The following FLT3 variants were observed in gnomAD, a reference collection of about 807,000 sequenced individuals.
FLT3 encodes the protein receptor-type tyrosine-protein kinase FLT3.
Under a neutral mutation model 126.6 loss-of-function variants are expected in FLT3, and 46 were observed. The ratio of observed to expected loss-of-function variants is 0.36; its 90% CI spans 0.29 to 0.46. FLT3 has a LOEUF of 0.46. Ranked by LOEUF, FLT3 falls within the 20% of genes least tolerant of loss-of-function variation. FLT3 has a pLI of 1.00. For missense variants in FLT3, 1,069 were observed against 1,190.3 expected, an observed-to-expected ratio of 0.90 and a Z score of 1.50; for synonymous variants, 404 against 434.4, an observed-to-expected ratio of 0.93 and a Z score of 0.87.
chr13:28,083,670 G>A (rs1177437670), intron 1 of FLT3, among the ~76,000 whole-genome samples: 2 of 152,164 alleles, frequency 1.3e-5, no homozygotes, highest in African/African-American at 2.4e-5. Flanking sequence ...TGCTTTAGTA[G>A]AGCATTATTT....
At chr13:28,021,034 T>A (rs984907921) in intron 19 of FLT3, among the ~76,000 whole-genome samples, 10 of 152,284 alleles carry the variant, frequency 6.6e-5, no homozygotes, top group Admixed American at 4.6e-4. Flanking sequence ...TTTGAGTATT[T>A]ACTTAGCTAT....
At chr13:28,041,839 G>A (rs755263095) in intron 9 of FLT3, among the ~76,000 whole-genome samples, 3 of 152,220 alleles carry the variant, frequency 2.0e-5, no homozygotes, top group African/African-American at 4.8e-5. Flanking sequence ...AAGAAGATGC[G>A]TTCTCATTAA....
intron 1 of FLT3, among the ~76,000 whole-genome samples, chr13:28,079,777 A>G (rs1323194384): frequency 6.6e-6 from 1 of 152,122 alleles, no homozygotes; most frequent in East Asian, 1.9e-4. Context: ...CGATTCAATT[A>G]CCTCACCCTA....
At chr13:28,073,932 C>G (rs12583420) in intron 1 of FLT3, among the ~76,000 whole-genome samples, 5 of 141,244 alleles carry the variant, frequency 3.5e-5, no homozygotes, top group African/African-American at 1.3e-4. Flanking sequence ...AGAGCCAGAT[C>G]CTGCCTCTAA....
At chr13:28,020,043 C>T (rs1007244048) in intron 19 of FLT3, among the ~76,000 whole-genome samples, 2 of 152,174 alleles carry the variant, frequency 1.3e-5, no homozygotes, top group African/African-American at 2.4e-5. Context: ...TGCTAGACCA[C>T]GCTCTACTTG....
At chr13:28,058,156 C>T (rs1001545334) in intron 3 of FLT3, among the ~76,000 whole-genome samples, 1 of 142,818 alleles carries the variant, frequency 7.0e-6, no homozygotes, top group African/African-American at 2.6e-5. Flanking sequence ...CCCAGGAGGT[C>T]AAGACCAGCC....
chr13:28,020,271 C>T (rs888874087), intron 19 of FLT3, among the ~76,000 whole-genome samples: 1 of 152,156 alleles, frequency 6.6e-6, no homozygotes, highest in Admixed American at 6.5e-5. Context: ...TGTGCAGATC[C>T]CTCCCCTGGG....
chr13:28,054,310 C>T (rs1239210240), intron 4 of FLT3, among the ~76,000 whole-genome samples: 1 of 152,038 alleles, frequency 6.6e-6, no homozygotes, highest in East Asian at 1.9e-4. Context: ...TTTAATTTCT[C>T]CATTATTAAT....
At chr13:28,031,939 C>G (rs770398686) in intron 15 of FLT3, among the ~76,000 whole-genome samples, 8 of 152,140 alleles carry the variant, frequency 5.3e-5, no homozygotes, top group Non-Finnish European at 1.2e-4. Flanking sequence ...ATACAGGAAC[C>G]TGCTTTGGAA....
At chr13:28,088,202 T>G (rs1388400490) in intron 1 of FLT3, among the ~76,000 whole-genome samples, 1 of 152,228 alleles carries the variant, frequency 6.6e-6, no homozygotes, top group Admixed American at 6.5e-5. Context: ...CTGGGTTAGG[T>G]GGGATCAAAG....
chr13:28,019,721 C>G (rs56734235), intron 19 of FLT3, among the ~76,000 whole-genome samples: 5,615 of 152,260 alleles, frequency 0.037, 222 homozygotes, highest in South Asian at 0.18. Context: ...GGCACCCACA[C>G]AGTCTCGATC....
intron 1 of FLT3, among the ~76,000 whole-genome samples, chr13:28,074,843 A>C (rs9513029): frequency 0.71 from 107,420 of 151,728 alleles, 39,879 homozygotes; most frequent in East Asian, 0.95. Context: ...TTTTTTGTCC[A>C]GGCTGGTCTC....
At chr13:28,065,907 C>T (rs1241760751) in intron 2 of FLT3, among the ~76,000 whole-genome samples, 1 of 151,850 alleles carries the variant, frequency 6.6e-6, no homozygotes, top group African/African-American at 2.4e-5. Flanking sequence ...GAGGCCGAGG[C>T]AGGCAGATTG....
chr13:28,093,324 C>T (rs7324080), intron 1 of FLT3, among the ~76,000 whole-genome samples: 52,024 of 151,480 alleles, frequency 0.34, 10,558 homozygotes, highest in African/African-American at 0.57. Flanking sequence ...GCTGGGACTA[C>T]AGGCATGGAT....
At chr13:28,087,783 C>T (rs972576999) in intron 1 of FLT3, among the ~76,000 whole-genome samples, 8 of 152,136 alleles carry the variant, frequency 5.3e-5, no homozygotes, top group African/African-American at 1.9e-4. Flanking sequence ...AATCTTTTCT[C>T]CTACAATGTT....
At chr13:28,057,851 C>T (rs1876146884) in intron 3 of FLT3, among the ~76,000 whole-genome samples, 1 of 151,466 alleles carries the variant, frequency 6.6e-6, no homozygotes, top group Non-Finnish European at 1.5e-5. Context: ...ACCAGCCTGG[C>T]CAACATGGTG....
At position 28,057,459 on chromosome 13, in the gene FLT3, T is replaced by C. The variant is rs776640120; in HGVS notation, c.372A>G (p.Gly124=). The C allele has an allele frequency of 7.2e-7, 1 of 1,396,376 alleles. No homozygotes were observed. The highest frequency in any genetic ancestry group is 1.0e-6 in the Non-Finnish European group (1 of 981,422). The allele number at this position is 1,396,376 out of a possible 1,614,324, so 86.5% of individuals were successfully genotyped here. The change falls in exon 4 of 24, where the codon GGA becomes GGG. Residue 124 remains glycine, a synonymous_variant. Transcript: ENST00000241453. ...CQPHFDLQNR[G]VVSMVILKMT... is the part of the protein sequence containing the mutation. ...TTTTCAAAATGACCATGGAAACAAC[T>C]CCTCTGCAAAACAGGAAAGAGAACT...
In FLT3 at chr13:28,034,766, G is replaced by A. The variant is rs530386682; in HGVS notation, c.1598-359C>T. Among the ~76,000 whole-genome samples, 516 of 152,178 alleles carry A rather than the reference G, an allele frequency of 3.4e-3. 1 individual carries two copies. The highest frequency in any genetic ancestry group is 5.3e-3 in the Non-Finnish European group (361 of 68,018). On this transcript the variant is annotated intron_variant, in intron 12 of 23. Coordinates refer to ENST00000241453, the MANE Select transcript of FLT3 (RefSeq NM_004119.3). ...GTCCAAGAATTAGACACCAGCCCAG[G>A]CAACACAGTGAAATCCCGTCTCTAA...
In FLT3 at chr13:28,049,413, G is replaced by A. The variant is rs759278648; in HGVS notation, c.1007C>T (p.Pro336Leu). 3.3e-5 allele frequency: 53 copies of A among 1,613,730 alleles called. No individual in the cohort carries two copies. The East Asian group carries it at 9.1e-4, about 28-fold the overall frequency. ...GYYTCSSSKH[P>L]SQSALVTIVE... ...GATGGTAACCAAAGCTGATTGACTG[G>A]GATGCTTTGAAGAGGAACAAGTGTA... Residue 336 changes from proline (P) to leucine (L), a missense_variant, in exon 8 of 24, where the codon CCC (proline) becomes CTC (leucine). Transcript: ENST00000241453.
Sources: gnomAD v4.1 joint callset for allele counts (sites outside exome capture counted in the v4.1 genomes callset) on GRCh38, gnomAD v4.1.1 for gene constraint, MANE v1.5 for transcripts, NCBI Gene and HGNC (gene_info 2026-07-23, HGNC 2026-07-21) for gene names.